The following COL11A1 variants were observed in gnomAD, a reference collection of about 807,000 sequenced individuals.
COL11A1 encodes the protein collagen alpha-1(XI) chain.
COL11A1 carries 74 observed loss-of-function variants against 265.2 expected under a neutral mutation model. The ratio of observed to expected loss-of-function variants is 0.28; its 90% confidence interval spans 0.23 to 0.34. The LOEUF (loss-of-function observed/expected upper bound fraction) is 0.34, where lower values mean the gene tolerates loss of function less well. Among genes scored for constraint, COL11A1 ranks in the 10% least tolerant of loss-of-function variants. The probability of loss-of-function intolerance (pLI) is 1.00; values close to 1 mark genes in which losing one functional copy is unlikely to be tolerated. For missense variants in COL11A1, 2,165 were observed against 2,263.6 expected (o/e 0.96, Z 0.88); for synonymous variants, 816 against 727.6 (o/e 1.12, Z -1.96).
rs368647056 is a variant in COL11A1 at position 103,014,598 on chromosome 1, G to C, written c.1489-4C>G. ...AACCATCACCACCATAACGGAACTTGGAAGAGATAACATTAAGAAATTCAA... is the reference window on the plus strand; with the variant it reads ...AACCATCACCACCATAACGGAACTTCGAAGAGATAACATTAAGAAATTCAA... On this transcript the variant is annotated splice_polypyrimidine_tract_variant and splice_region_variant and intron_variant, in intron 12 of 66. Transcript: ENST00000370096. 1.9e-6 allele frequency: 3 copies of C among 1,612,490 alleles called. No individual in the cohort carries two copies. The highest frequency in any genetic ancestry group is 2.5e-6 in the Non-Finnish European group (3 of 1,178,732).
intron 28 of COL11A1, among the ~76,000 whole-genome samples, chr1:102,989,956 C>A (rs898701900): frequency 2.0e-5 from 3 of 151,998 alleles, no homozygotes; most frequent in Admixed American, 1.3e-4. Flanking sequence ...TAGGCGGAGG[C>A]GGGCAGATTA....
In COL11A1 at chr1:102,890,516, CAAAA is replaced by C. The variant is rs35232764; in HGVS notation, c.4303-16_4303-13del. 3 of 1,417,150 alleles carry C rather than the reference CAAAA, an allele frequency of 2.1e-6. No homozygotes were observed. The South Asian group carries it at 4.1e-5, about 20-fold the overall frequency. The allele number at this position is 1,417,150 out of a possible 1,614,324, so 87.8% of individuals were successfully genotyped here. On this transcript the variant is annotated splice_polypyrimidine_tract_variant and intron_variant, in intron 57 of 66. Transcript: ENST00000370096. ...AAGCCAGGAGGTCCCTAAATAATAA[CAAAA>C]AAAAAACCCCAAAACAAAAACAGAG...
chr1:103,055,284 C>A (rs1203838665), intron 4 of COL11A1, among the ~76,000 whole-genome samples: 4 of 152,100 alleles, frequency 2.6e-5, no homozygotes, highest in South Asian at 2.1e-4. Context: ...TCTTTTATTT[C>A]TCAATTAAAC....
chr1:102,970,129 T>G, intron 37 of COL11A1, 90 bp downstream of exon 37: 1 of 974,418 alleles, frequency 1.0e-6, no homozygotes, highest in Non-Finnish European at 1.6e-6. Flanking sequence ...ACCTAGTAAT[T>G]GAAATGTTCA....
chr1:102,933,201 T>C (rs1477147504), intron 46 of COL11A1, among the ~76,000 whole-genome samples: 2 of 139,412 alleles, frequency 1.4e-5, no homozygotes, highest in African/African-American at 5.8e-5. Context: ...TTCTGTTCTG[T>C]TTTTTCCCCA....
At chr1:102,985,332 T>A (rs1047435173) in intron 30 of COL11A1, among the ~76,000 whole-genome samples, 2 of 152,116 alleles carry the variant, frequency 1.3e-5, no homozygotes, top group African/African-American at 4.8e-5. Flanking sequence ...ACATGGTTTA[T>A]GACCTTGTTA....
intron 20 of COL11A1, among the ~76,000 whole-genome samples, chr1:103,003,786 C>A (rs1665347219): frequency 6.6e-6 from 1 of 152,230 alleles, no homozygotes; most frequent in East Asian, 1.9e-4. Context: ...ATTATTCACA[C>A]TTGATTTCTC....
chr1:103,078,002 C>A (rs1182160157), intron 3 of COL11A1, among the ~76,000 whole-genome samples: 2 of 152,114 alleles, frequency 1.3e-5, no homozygotes, highest in African/African-American at 4.8e-5. Context: ...TATCAGCACT[C>A]TATAATGCTT....
chr1:103,058,106 T>C (rs1670379802), intron 4 of COL11A1, among the ~76,000 whole-genome samples: 1 of 152,240 alleles, frequency 6.6e-6, no homozygotes, highest in African/African-American at 2.4e-5. Flanking sequence ...CAATTTACCT[T>C]AGCTAGATCT....
chr1:102,886,676 A>G, intron 63 of COL11A1, 131 bp downstream of exon 63: 2 of 1,311,262 alleles, frequency 1.5e-6, no homozygotes, highest in South Asian at 1.2e-5. Context: ...TTCTGTCTAG[A>G]AGATAATTAA....
chr1:103,004,123 T>C (rs1665381334), intron 20 of COL11A1, among the ~76,000 whole-genome samples: 1 of 152,162 alleles, frequency 6.6e-6, no homozygotes, highest in African/African-American at 2.4e-5. Context: ...GATTCATTTC[T>C]TCTCAGTACA....
At chr1:102,934,420 T>A in intron 46 of COL11A1, 29 bp downstream of exon 46, 1 of 1,470,402 alleles carries the variant, frequency 6.8e-7, no homozygotes, top group Non-Finnish European at 9.5e-7. Flanking sequence ...GTAGAAATGA[T>A]GGAGTAAACA....
intron 49 of COL11A1, among the ~76,000 whole-genome samples, chr1:102,918,894 CT>C (rs1022805658): frequency 6.6e-6 from 1 of 152,058 alleles, no homozygotes; most frequent in Non-Finnish European, 1.5e-5. Context: ...ATAATGACAA[CT>C]TTCCCTCTGC....
intron 28 of COL11A1, among the ~76,000 whole-genome samples, chr1:102,995,159 A>G (rs1001202926): frequency 5.3e-5 from 8 of 152,138 alleles, no homozygotes; most frequent in Non-Finnish European, 1.0e-4. Context: ...TCACTGAGTA[A>G]TGTCATTCCC....
intron 38 of COL11A1, among the ~76,000 whole-genome samples, chr1:102,964,472 C>T (rs1661207035): frequency 6.6e-6 from 1 of 152,084 alleles, no homozygotes; most frequent in African/African-American, 2.4e-5. Context: ...TCGTATTTCC[C>T]TTGCCTCAGG....
At chr1:103,042,646 C>G (rs567201774) in intron 4 of COL11A1, among the ~76,000 whole-genome samples, 1 of 152,056 alleles carries the variant, frequency 6.6e-6, no homozygotes, top group Non-Finnish European at 1.5e-5. Flanking sequence ...TCACAGTAGT[C>G]TGGGACCCTT....
intron 53 of COL11A1, among the ~76,000 whole-genome samples, chr1:102,912,510 A>G (rs1654809012): frequency 6.6e-6 from 1 of 152,236 alleles, no homozygotes; most frequent in Admixed American, 6.5e-5. Flanking sequence ...TTAAACAGGC[A>G]TGCTAATTAA....
intron 66 of COL11A1, 110 bp downstream of exon 66, chr1:102,879,573 A>G: frequency 1.1e-6 from 1 of 898,978 alleles, no homozygotes; most frequent in Non-Finnish European, 1.8e-6. Flanking sequence ...AACAAATGTT[A>G]ATAACAACTG....
chr1:102,877,386 C>T lies in COL11A1; in HGVS notation c.*633G>A, dbSNP rs1467354580. 1.3e-5 allele frequency: 2 copies of T among 152,458 alleles called. No homozygotes were observed. The highest frequency in any genetic ancestry group is 2.9e-5 in the Non-Finnish European group (2 of 67,994). The allele number at this position is 152,458 out of a possible 1,614,324, so 9.4% of individuals were successfully genotyped here. ...CTTCCAAAAGTCTTCCAGATTTTTG[C>T]CCTCTGAGAATTTTGTTGGCGACAT... On this transcript the variant is annotated 3_prime_UTR_variant, in exon 67 of 67. Transcript: ENST00000370096.
Sources: gnomAD v4.1 joint callset for allele counts (sites outside exome capture counted in the v4.1 genomes callset) on GRCh38, gnomAD v4.1.1 for gene constraint, MANE v1.5 for transcripts, NCBI Gene and HGNC (gene_info 2026-07-23, HGNC 2026-07-21) for gene names.